Variants in ZSCAN25 observed in about 807,000 individuals in gnomAD.
ZSCAN25 encodes zinc finger and SCAN domain containing 25.
Under a neutral mutation model 38.7 loss-of-function variants are expected in ZSCAN25, and 27 were observed. The ratio of observed to expected loss-of-function variants is 0.70; its 90% CI spans 0.51 to 0.96. The LOEUF (loss-of-function observed/expected upper bound fraction) is 0.96. Among genes scored for constraint, ZSCAN25 ranks in the 40% least tolerant of loss-of-function variants. ZSCAN25 has a pLI of 0.00. For missense variants in ZSCAN25, 637 were observed against 705.9 expected (o/e 0.90, Z 1.11); for synonymous variants, 273 against 277.7 (o/e 0.98, Z 0.17).
chr7:99,713,437 A>G, the ZSCAN25 span: 1 of 1,612,494 alleles, frequency 6.2e-7, no homozygotes, highest in Non-Finnish European at 8.5e-7. Flanking sequence ...TGAGTGCCCC[A>G]CCAGTAGCCC....
the ZSCAN25 span, among the ~76,000 whole-genome samples, chr7:99,699,410 CG>C: frequency 6.6e-6 from 1 of 152,042 alleles, no homozygotes; most frequent in African/African-American, 2.4e-5. Context: ...GACAGCTTCC[CG>C]TGAAGTCTTG....
At chr7:99,670,652 A>G in the ZSCAN25 span, among the ~76,000 whole-genome samples, 15 of 152,218 alleles carry the variant, frequency 9.9e-5, no homozygotes, top group Admixed American at 2.0e-4. Context: ...GGACTTTTGT[A>G]AGACCTGTCT....
chr7:99,629,040 G>A lies in ZSCAN25; in HGVS notation c.806-151G>A, dbSNP rs1274391460. 8 of 1,124,184 alleles carry A rather than the reference G, an allele frequency of 7.1e-6. No homozygotes were observed. In the East Asian group the frequency reaches 1.6e-4, roughly 23 times the overall value. 69.6% of individuals were successfully genotyped at this position (1,124,184 alleles called of 1,614,324 possible). ...AAAAAGACATGGAGGTGGAAATAAG[G>A]AAAAAGAAGTAAGGAAAGCCTGAGT... is the stretch of plus-strand genomic sequence containing the variant. On this transcript the variant is annotated intron_variant, in intron 7 of 7. Transcript: ENST00000394152. This position sits in a 1 kb window ranked among gnomAD's most constrained non-coding sequence, Gnocchi z 5.6.
In ZSCAN25 at chr7:99,624,157, C is replaced by T. The variant is rs371353920; in HGVS notation, c.782C>T (p.Pro261Leu). The T allele has an allele frequency of 1.7e-5, 27 of 1,613,678 alleles. No individual in the cohort carries two copies. Among genetic ancestry groups the T allele is most frequent in the Middle Eastern group, 1.7e-4 (1 of 5,902 alleles). ...QIDCFGEYVE[P>L]QDCRVSPGGG... Reference sequence around the variant, plus strand: ...GACTGCTTTGGGGAGTATGTGGAACCGCAGGACTGCAGGGTCTCTCCAGGT... The same window carrying T: ...GACTGCTTTGGGGAGTATGTGGAACTGCAGGACTGCAGGGTCTCTCCAGGT... The change falls in exon 7 of 8, where the codon CCG becomes CTG. Residue 261 changes from proline to leucine, a missense_variant. Coordinates refer to ENST00000394152, the MANE Select transcript of ZSCAN25 (RefSeq NM_145115.3).
At position 99,621,457 on chromosome 7, in the gene ZSCAN25, G is replaced by A; in HGVS notation, c.472G>A (p.Glu158Lys). Residue 158 changes from glutamate (E) to lysine (K), a missense_variant, in exon 5 of 8, where the codon GAG (glutamate) becomes AAG (lysine). Coordinates refer to ENST00000394152, the MANE Select transcript of ZSCAN25 (RefSeq NM_145115.3). ...GCCAGGCATCCAGCTGGGGCCAGTG[G>A]AGGTCAAGCCTGAATGGGGGATGCC... ...WEPGIQLGPV[E>K]VKPEWGMPPG... 1.3e-6 allele frequency: 2 copies of A among 1,565,090 alleles called. No individual in the cohort carries two copies. The highest frequency in any genetic ancestry group is 1.7e-6 in the Non-Finnish European group (2 of 1,151,096).
At chr7:99,734,883 A>G in the ZSCAN25 span, 3 of 1,313,820 alleles carry the variant, frequency 2.3e-6, no homozygotes, top group Non-Finnish European at 3.3e-6. Context: ...AGCATCCCAA[A>G]GTTCTGGGAT....
chr7:99,636,804 G>A (rs1808302817), downstream of ZSCAN25, among the ~76,000 whole-genome samples: 1 of 152,214 alleles, frequency 6.6e-6, no homozygotes, highest in Non-Finnish European at 1.5e-5. Flanking sequence ...AAGTAATCTT[G>A]TTAGGATCTA....
chr7:99,720,278 A>C, the ZSCAN25 span: 1 of 1,609,876 alleles, frequency 6.2e-7, no homozygotes, highest in African/African-American at 1.3e-5. Context: ...TTAATCAATC[A>C]ATGAGTATTT....
chr7:99,622,551 C>T lies in ZSCAN25; in HGVS notation c.592C>T (p.Leu198=), dbSNP rs1392150840. Residue 198 remains leucine (L), a splice_region_variant and synonymous_variant, in exon 6 of 8, where the codon CTA becomes TTA. Coordinates refer to ENST00000394152, the MANE Select transcript of ZSCAN25 (RefSeq NM_145115.3). ...TCATGCTTTTTGTCCCTGCTCAGCA[C>T]TACCTGTTCTGCAGGCGGGTCCTGG... ...DETRAFQEQA[L]PVLQAGPGLP... 3.7e-6 allele frequency: 6 copies of T among 1,614,200 alleles called. No individual in the cohort carries two copies. Among genetic ancestry groups the T allele is most frequent in the Non-Finnish European group, 5.1e-6 (6 of 1,180,016 alleles).
intron 6 of ZSCAN25, among the ~76,000 whole-genome samples, 191 bp from the exon 7 acceptor site, chr7:99,623,866 G>T (rs1210308874): frequency 6.6e-6 from 1 of 152,208 alleles, no homozygotes; most frequent in Non-Finnish European, 1.5e-5. Context: ...TGGAAATGAG[G>T]TGACTTAGTT....
At chr7:99,649,781 TG>T in the ZSCAN25 span, among the ~76,000 whole-genome samples, 58 of 152,344 alleles carry the variant, frequency 3.8e-4, no homozygotes, top group East Asian at 7.7e-3. Flanking sequence ...ACTTCATGAT[TG>T]TGCAAAACAC....
chr7:99,695,411 A>T, the ZSCAN25 span, among the ~76,000 whole-genome samples: 2 of 152,140 alleles, frequency 1.3e-5, no homozygotes, highest in African/African-American at 4.8e-5. Context: ...TACTCTTAAT[A>T]CTAACTAAAT....
chr7:99,696,568 T>C, the ZSCAN25 span, among the ~76,000 whole-genome samples: 9 of 152,296 alleles, frequency 5.9e-5, no homozygotes, highest in South Asian at 1.9e-3. Context: ...ATTTGCGCTA[T>C]TGGGGAGGAT....
the ZSCAN25 span, among the ~76,000 whole-genome samples, chr7:99,706,740 A>T: frequency 6.6e-6 from 1 of 152,252 alleles, no homozygotes; most frequent in African/African-American, 2.4e-5. Flanking sequence ...AAATACATGA[A>T]TGTCATTTGC....
the ZSCAN25 span, among the ~76,000 whole-genome samples, chr7:99,640,211 T>C: frequency 2.0e-5 from 3 of 152,286 alleles, no homozygotes; most frequent in East Asian, 5.8e-4. Flanking sequence ...CAGGCTGGAG[T>C]GCAATGGTGC....
chr7:99,657,332 C>T, the ZSCAN25 span, among the ~76,000 whole-genome samples: 5 of 152,256 alleles, frequency 3.3e-5, no homozygotes, highest in Admixed American at 6.5e-5. Flanking sequence ...GCCTTCATTT[C>T]GTTATGTACC....
chr7:99,648,389 T>C, the ZSCAN25 span: 1 of 1,612,226 alleles, frequency 6.2e-7, no homozygotes, highest in Non-Finnish European at 8.5e-7. Context: ...GCGTGTCTAA[T>C]TTCAAGGGGA....
the ZSCAN25 span, among the ~76,000 whole-genome samples, chr7:99,649,818 A>C: frequency 8.5e-5 from 13 of 152,066 alleles, no homozygotes; most frequent in South Asian, 2.7e-3. Context: ...TTGAAACTGA[A>C]TTTAAACTTA....
the ZSCAN25 span, among the ~76,000 whole-genome samples, chr7:99,656,292 G>T: frequency 2.3e-4 from 35 of 152,128 alleles, no homozygotes; most frequent in Admixed American, 2.2e-3. Flanking sequence ...TAGCATGAAG[G>T]GCTGTTGAAT....
Sources: allele counts gnomAD v4.1 joint callset (sites outside exome capture counted in the v4.1 genomes callset), GRCh38; gene constraint gnomAD v4.1.1; non-coding constraint Gnocchi (gnomAD v3.1); transcripts MANE v1.5; gene names NCBI Gene and HGNC (gene_info 2026-07-23, HGNC 2026-07-21).